The following PTPRG variants were observed in gnomAD, a reference collection of about 807,000 sequenced individuals.
PTPRG encodes receptor-type tyrosine-protein phosphatase gamma.
PTPRG carries 102 observed loss-of-function variants against 165.3 expected under a neutral mutation model. That is an observed-to-expected ratio of 0.62 (90% CI 0.53 to 0.73). PTPRG has a LOEUF of 0.73. Ranked by LOEUF, PTPRG falls within the 30% of genes least tolerant of loss-of-function variation. PTPRG has a pLI of 0.00. For synonymous variants in PTPRG, 675 were observed against 669.5 expected, an observed-to-expected ratio of 1.01 and a Z score of -0.13; for missense variants, 1,866 against 1,861.4, an observed-to-expected ratio of 1.00 and a Z score of -0.05.
intron 7 of PTPRG, among the ~76,000 whole-genome samples, chr3:62,161,922 G>A (rs1704780741): frequency 6.6e-6 from 1 of 152,210 alleles, no homozygotes; most frequent in Non-Finnish European, 1.5e-5. Flanking sequence ...GACCTTAGGT[G>A]AGATTTTCCA....
At chr3:61,884,825 C>G (rs552446452) in intron 2 of PTPRG, among the ~76,000 whole-genome samples, 1 of 152,234 alleles carries the variant, frequency 6.6e-6, no homozygotes, top group African/African-American at 2.4e-5. Context: ...TTTCCACTTG[C>G]CATTACTACT....
intron 5 of PTPRG, among the ~76,000 whole-genome samples, chr3:62,128,854 T>G (rs953208125): frequency 3.3e-5 from 5 of 151,754 alleles, no homozygotes; most frequent in Admixed American, 3.3e-4. Context: ...GCAAATTGAT[T>G]GAAACAGTGA....
At chr3:61,906,565 T>C (rs1453249543) in intron 2 of PTPRG, among the ~76,000 whole-genome samples, 2 of 152,024 alleles carry the variant, frequency 1.3e-5, no homozygotes, top group Non-Finnish European at 2.9e-5. Flanking sequence ...AGCCCAGGAA[T>C]TCGAGACCAG....
chr3:61,670,597 C>A (rs960434546), intron 1 of PTPRG, among the ~76,000 whole-genome samples: 1 of 152,124 alleles, frequency 6.6e-6, no homozygotes, highest in Admixed American at 6.5e-5. Context: ...TAGAGCAGAC[C>A]CACTAACTCA....
rs376957573 is a variant in PTPRG at position 62,210,557 on chromosome 3, G to A, written c.2155+6607G>A. ...ACCAGAATTACCATATGATTTAGCAGTTCTACTTCTGGGTATACACTTGAC... is the reference window on the plus strand; with the variant it reads ...ACCAGAATTACCATATGATTTAGCAATTCTACTTCTGGGTATACACTTGAC... On this transcript the variant is annotated intron_variant, in intron 12 of 29. Coordinates refer to ENST00000474889, the MANE Select transcript of PTPRG (RefSeq NM_002841.4). The surrounding 1 kb of genome is among the most constrained non-coding windows in gnomAD (Gnocchi z 4.1). 1.4e-3 allele frequency among the ~76,000 whole-genome samples: 206 copies of A among 152,304 alleles called. 1 individual carries two copies. The highest frequency in any genetic ancestry group is 4.8e-3 in the African/African-American group (200 of 41,562).
At chr3:61,600,327 G>A (rs1700828368) in intron 1 of PTPRG, among the ~76,000 whole-genome samples, 1 of 151,838 alleles carries the variant, frequency 6.6e-6, no homozygotes, top group Non-Finnish European at 1.5e-5. Context: ...CCAGTCACCT[G>A]CATGAAGACT....
chr3:61,925,579 A>G (rs1287854884), intron 2 of PTPRG, among the ~76,000 whole-genome samples: 1 of 152,108 alleles, frequency 6.6e-6, no homozygotes, highest in Non-Finnish European at 1.5e-5. Context: ...CCTCATCTCT[A>G]CAAAAATGCA....
chr3:61,676,115 A>G (rs1703206127), intron 1 of PTPRG, among the ~76,000 whole-genome samples: 1 of 152,144 alleles, frequency 6.6e-6, no homozygotes, highest in South Asian at 2.1e-4. Context: ...ACTGGCTAGT[A>G]TTTCGCCTTA....
At chr3:61,707,452 G>A (rs1475288486) in intron 1 of PTPRG, among the ~76,000 whole-genome samples, 1 of 152,134 alleles carries the variant, frequency 6.6e-6, no homozygotes, top group East Asian at 1.9e-4. Context: ...GACCCAGGAA[G>A]AGCTGATTTT....
chr3:62,021,365 G>A (rs2041685819), intron 4 of PTPRG, among the ~76,000 whole-genome samples: 2 of 152,196 alleles, frequency 1.3e-5, no homozygotes, highest in Admixed American at 1.3e-4. Flanking sequence ...ATGAAAGGTA[G>A]GAGAGATGTC....
At chr3:61,774,980 C>G (rs1444799200) in intron 2 of PTPRG, among the ~76,000 whole-genome samples, 1 of 152,180 alleles carries the variant, frequency 6.6e-6, no homozygotes, top group Non-Finnish European at 1.5e-5. Context: ...TTCCATACTT[C>G]TGAATTCCCA....
intron 2 of PTPRG, among the ~76,000 whole-genome samples, chr3:61,883,832 C>G (rs79567518): frequency 6.6e-6 from 1 of 151,954 alleles, no homozygotes; most frequent in African/African-American, 2.4e-5. Flanking sequence ...CCACCCCAGC[C>G]TCTCAAGTAG....
At chr3:62,186,108 G>A (rs185928567) in intron 8 of PTPRG, among the ~76,000 whole-genome samples, 178 of 152,284 alleles carry the variant, frequency 1.2e-3, no homozygotes, top group African/African-American at 4.1e-3. Context: ...TATTTGACGG[G>A]TGTCTGGTAC....
At chr3:61,867,212 G>A (rs2037436244) in intron 2 of PTPRG, among the ~76,000 whole-genome samples, 1 of 152,182 alleles carries the variant, frequency 6.6e-6, no homozygotes, top group Admixed American at 6.5e-5. Context: ...CATACCCCCT[G>A]CCTCCCAGAA....
rs199651515 is a variant in PTPRG, at chr3:62,231,335, G to C, written c.2375+24G>C. On this transcript the variant is annotated intron_variant, in intron 14 of 29. Transcript: ENST00000474889. ...AGGTGAGGGGCGGTCAAGCTTAAGT[G>C]GGGGGCGTCTTGATGGCCGGGACTG... 5.6e-5 allele frequency: 86 copies of C among 1,531,018 alleles called. No homozygotes were observed. The African/African-American group carries it at 8.8e-4, about 16-fold the overall frequency. 94.8% of individuals were successfully genotyped at this position (1,531,018 alleles called of 1,614,324 possible).
intron 4 of PTPRG, among the ~76,000 whole-genome samples, chr3:62,057,812 G>C (rs1700682149): frequency 6.6e-6 from 1 of 152,098 alleles, no homozygotes; most frequent in Non-Finnish European, 1.5e-5. Flanking sequence ...TTAAGACTCA[G>C]AAAACTCAGC....
chr3:61,870,260 G>A (rs2037527309), intron 2 of PTPRG, among the ~76,000 whole-genome samples: 1 of 151,338 alleles, frequency 6.6e-6, no homozygotes, highest in Admixed American at 6.6e-5. Flanking sequence ...ATAAGTTTTG[G>A]TACATAACAT....
intron 26 of PTPRG, among the ~76,000 whole-genome samples, chr3:62,280,425 A>C (rs1702391279): frequency 6.6e-6 from 1 of 152,070 alleles, no homozygotes; most frequent in African/African-American, 2.4e-5. Flanking sequence ...AAAGACCTGA[A>C]TAGACATTTC....
chr3:61,999,616 T>C (rs1372211450), intron 3 of PTPRG, among the ~76,000 whole-genome samples: 1 of 152,238 alleles, frequency 6.6e-6, no homozygotes. Context: ...ATTTTATTTG[T>C]ATTTATTATT....
Sources: gnomAD v4.1 joint callset for allele counts (sites outside exome capture counted in the v4.1 genomes callset) on GRCh38, gnomAD v4.1.1 for gene constraint, Gnocchi (gnomAD v3.1) non-coding constraint, MANE v1.5 for transcripts, NCBI Gene and HGNC (gene_info 2026-07-23, HGNC 2026-07-21) for gene names.